The following AXDND1 variants were observed in gnomAD, a reference collection of about 807,000 sequenced individuals.
The protein encoded by AXDND1 is axonemal dynein light chain domain containing 1.
Under a neutral mutation model 137.5 loss-of-function variants are expected in AXDND1, and 110 were observed. The ratio of observed to expected loss-of-function variants is 0.80; its 90% CI spans 0.69 to 0.94. The LOEUF is 0.94. AXDND1 is among the 40% of genes least tolerant of loss of function. The pLI is 0.00. For missense variants in AXDND1, 1,191 were observed against 1,169.8 expected, an observed-to-expected ratio of 1.02 and a Z score of -0.26; for synonymous variants, 414 against 399.7, an observed-to-expected ratio of 1.04 and a Z score of -0.43.
chr1:179,528,279 G>T, intron 22 of AXDND1, 48 bp from the exon 23 acceptor site: 1 of 1,371,394 alleles, frequency 7.3e-7, no homozygotes, highest in East Asian at 2.3e-5. Flanking sequence ...AAACTTGCTG[G>T]GGTGCTACAC....
intron 11 of AXDND1, among the ~76,000 whole-genome samples, chr1:179,407,124 A>G (rs893484418): frequency 1.3e-5 from 2 of 151,986 alleles, no homozygotes; most frequent in African/African-American, 4.8e-5. Context: ...GTGGTGATGA[A>G]TTTCCTCAGT....
At chr1:179,539,627 T>G (rs1452774209) in intron 25 of AXDND1, among the ~76,000 whole-genome samples, 4 of 152,232 alleles carry the variant, frequency 2.6e-5, no homozygotes, top group African/African-American at 9.6e-5. Context: ...TTAATATTTT[T>G]TCCTTCATTT....
intron 11 of AXDND1, among the ~76,000 whole-genome samples, chr1:179,410,292 G>A (rs1273136245): frequency 8.5e-5 from 13 of 152,200 alleles, no homozygotes; most frequent in South Asian, 2.1e-4. Context: ...GTGCAGTGGC[G>A]CGATCTCGGC....
chr1:179,500,679 T>G (rs1233750391), intron 20 of AXDND1, among the ~76,000 whole-genome samples: 1 of 152,156 alleles, frequency 6.6e-6, no homozygotes, highest in Non-Finnish European at 1.5e-5. Context: ...AATTAATTTA[T>G]TTTTATTTTT....
chr1:179,446,805 C>G (rs1659795518), intron 16 of AXDND1, among the ~76,000 whole-genome samples: 2 of 148,770 alleles, frequency 1.3e-5, no homozygotes, highest in African/African-American at 2.5e-5. Flanking sequence ...GGTGGCTTTT[C>G]CATTTTCTTG....
intron 11 of AXDND1, among the ~76,000 whole-genome samples, chr1:179,395,455 C>G (rs1438896282): frequency 6.6e-6 from 1 of 152,094 alleles, no homozygotes; most frequent in African/African-American, 2.4e-5. Context: ...CTATTACTTT[C>G]TGGTTTTCTA....
At chr1:179,430,712 T>C (rs1571803526) in intron 14 of AXDND1, 106 bp downstream of exon 14, 2 of 1,288,662 alleles carry the variant, frequency 1.6e-6, no homozygotes, top group East Asian at 2.3e-5. Context: ...CACTCTAACA[T>C]TGATTTTGGG....
intron 16 of AXDND1, among the ~76,000 whole-genome samples, chr1:179,467,379 A>T (rs1429297108): frequency 3.3e-5 from 5 of 152,218 alleles, no homozygotes; most frequent in Admixed American, 3.3e-4. Context: ...GCATCATCAG[A>T]TTCAAGCAAC....
intron 4 of AXDND1, among the ~76,000 whole-genome samples, chr1:179,372,478 C>T (rs1030228695): frequency 6.6e-6 from 1 of 152,082 alleles, no homozygotes; most frequent in African/African-American, 2.4e-5. Context: ...ATTATGAACT[C>T]AGTTAATAAT....
chr1:179,372,745 G>T (rs1010060362), intron 4 of AXDND1, among the ~76,000 whole-genome samples: 13 of 151,984 alleles, frequency 8.6e-5, no homozygotes. Context: ...GTGCAATGGC[G>T]CAGTCTCGGC....
chr1:179,385,291 A>G lies in AXDND1; in HGVS notation c.795A>G (p.Ile265Met). 6.2e-7 allele frequency: 1 copy of G among 1,612,976 alleles called. No individual in the cohort carries two copies. The highest frequency in any genetic ancestry group is 1.1e-5 in the South Asian group (1 of 91,058). ...AGGAACAGACCATTTACAACATGAT[A>G]TTTCATGAACTTATTCGACAAGTCA... is the stretch of plus-strand genomic sequence containing the variant. ...LKKEQTIYNMIFHELIRQVSV... is the reference protein window; with the variant it reads ...LKKEQTIYNMMFHELIRQVSV... The change falls in exon 9 of 26, where the codon ATA (isoleucine) becomes ATG (methionine). Residue 265 changes from isoleucine (I) to methionine (M), a missense_variant. Physicochemically the swap from Ile to Met is conservative, Grantham distance 10 (BLOSUM62 1). Coordinates refer to ENST00000367618, the MANE Select transcript of AXDND1 (RefSeq NM_144696.6).
intron 6 of AXDND1, 87 bp from the exon 7 acceptor site, chr1:179,382,613 C>T: frequency 1.1e-6 from 1 of 911,264 alleles, no homozygotes; most frequent in Non-Finnish European, 1.7e-6. Context: ...TACTTAGAAA[C>T]CAAGATTCTG....
chr1:179,370,464 T>C (rs1449815367), intron 4 of AXDND1, among the ~76,000 whole-genome samples: 13 of 152,242 alleles, frequency 8.5e-5, no homozygotes, highest in Non-Finnish European at 1.5e-5. Flanking sequence ...AAGAAAGAAC[T>C]AGGTAACATA....
chr1:179,448,365 ACT>A (rs1426093457), intron 16 of AXDND1: 4 of 674,024 alleles, frequency 5.9e-6, no homozygotes, highest in East Asian at 2.8e-5. Context: ...ATTAATCCAA[ACT>A]CTCTCTTTGT....
chr1:179,445,344 G>A (rs943051815), intron 16 of AXDND1, 140 bp downstream of exon 16: 1 of 610,188 alleles, frequency 1.6e-6, no homozygotes, highest in Non-Finnish European at 2.7e-6. Context: ...AAAGCATTGA[G>A]CATCACTTTG....
intron 25 of AXDND1, chr1:179,551,091 G>A (rs866862105): frequency 1.3e-6 from 2 of 1,567,714 alleles, no homozygotes; most frequent in South Asian, 2.2e-5. Flanking sequence ...GGAAGGGCAG[G>A]GAATGAGGAC....
At position 179,465,339 on chromosome 1, in the gene AXDND1, C is replaced by T. The variant is rs184221603; in HGVS notation, c.1799-3104C>T. 2.6e-5 allele frequency among the ~76,000 whole-genome samples: 4 copies of T among 152,168 alleles called. No individual in the cohort carries two copies. The East Asian group carries it at 5.8e-4, about 22-fold the overall frequency. ...TTCTGTTTGTTAGTTTTCCTTCTAA[C>T]AGTCAGGACCCTCAGCTGCAGGTCT... On this transcript the variant is annotated intron_variant, in intron 16 of 25. Transcript: ENST00000367618.
chr1:179,458,777 CA>C (rs2125430724), intron 16 of AXDND1, among the ~76,000 whole-genome samples: 1 of 151,468 alleles, frequency 6.6e-6, no homozygotes, highest in African/African-American at 2.4e-5. Flanking sequence ...AATAAAAAAC[CA>C]ATAGTAATAC....
At chr1:179,482,213 C>T (rs1331911747) in intron 17 of AXDND1, among the ~76,000 whole-genome samples, 2 of 148,770 alleles carry the variant, frequency 1.3e-5, no homozygotes, top group Non-Finnish European at 3.0e-5. Flanking sequence ...GAGTGACACT[C>T]ACACTGTCAG....
Sources: gnomAD v4.1 joint callset for allele counts (sites outside exome capture counted in the v4.1 genomes callset) on GRCh38, gnomAD v4.1.1 for gene constraint, MANE v1.5 for transcripts, NCBI Gene and HGNC (gene_info 2026-07-23, HGNC 2026-07-21) for gene names.